Variants in CRAT observed in about 807,000 individuals in gnomAD.
CRAT encodes the protein carnitine O-acetyltransferase.
CRAT carries 66 observed loss-of-function variants against 73.7 expected under a neutral mutation model. That is an observed-to-expected ratio of 0.90 (90% CI 0.73 to 1.10). The LOEUF is 1.10. Ranked by LOEUF, CRAT falls within the 50% of genes least tolerant of loss-of-function variation. The probability of loss-of-function intolerance (pLI) is 0.00; values close to 1 mark genes in which losing one functional copy is unlikely to be tolerated. For synonymous variants in CRAT, 321 were observed against 343.2 expected, an observed-to-expected ratio of 0.94 and a Z score of 0.71; for missense variants, 745 against 846.9, an observed-to-expected ratio of 0.88 and a Z score of 1.49.
chr9:129,096,027 C>T lies in CRAT; in HGVS notation c.1636G>A (p.Ala546Thr), dbSNP rs1408409293. 4 of 1,613,996 alleles carry T rather than the reference C, an allele frequency of 2.5e-6. No individual in the cohort carries two copies. Among genetic ancestry groups the T allele is most frequent in the South Asian group, 1.1e-5 (1 of 91,086 alleles). Residue 546 changes from alanine (A) to threonine (T), a missense_variant, in exon 13 of 14, where the codon GCC becomes ACC. Ala to Thr is a moderately conservative substitution (Grantham distance 58). Transcript: ENST00000318080. ...DIFMDTSYAIAMHFHLSTSQV... is the reference protein window; with the variant it reads ...DIFMDTSYAITMHFHLSTSQV... Reference sequence around the variant, plus strand: ...CTGGTGGAGAGGTGGAAGTGCATGGCGATGGCGTAGGAGGTGTCCATGAAG... The same window carrying T: ...CTGGTGGAGAGGTGGAAGTGCATGGTGATGGCGTAGGAGGTGTCCATGAAG...
rs1010445653 is a variant in CRAT at position 129,107,391 on chromosome 9, T to C, written c.291+423A>G. On this transcript the variant is annotated intron_variant, in intron 2 of 13. Coordinates refer to ENST00000318080, the MANE Select transcript of CRAT (RefSeq NM_000755.5). This position sits in a 1 kb window ranked among gnomAD's most constrained non-coding sequence, Gnocchi z 5.0. ...TGCAAATAGAAAAGCACACCAAACA[T>C]TGGTGTAGACATATTTGCCAAACTG... The C allele has an allele frequency of 2.0e-5, 11 of 558,694 alleles. No homozygotes were observed. Among genetic ancestry groups the C allele is most frequent in the Non-Finnish European group, 2.2e-5 (7 of 314,186 alleles). 34.6% of individuals were successfully genotyped at this position (558,694 alleles called of 1,614,324 possible).
intron 2 of CRAT, among the ~76,000 whole-genome samples, chr9:129,104,573 CG>C (rs1453227031): frequency 6.6e-6 from 1 of 150,944 alleles, no homozygotes; most frequent in Non-Finnish European, 1.5e-5. Context: ...GGAGGAAACC[CG>C]GGGTGTGGGG....
chr9:129,099,688 A>G (rs1847536533), intron 8 of CRAT, among the ~76,000 whole-genome samples, 178 bp downstream of exon 8: 1 of 151,474 alleles, frequency 6.6e-6, no homozygotes, highest in Non-Finnish European at 1.5e-5. Context: ...CTCCCACCTC[A>G]GCCTCCCAAA....
chr9:129,097,482 G>A (rs2131440264), intron 11 of CRAT, among the ~76,000 whole-genome samples, 170 bp from the exon 12 acceptor site: 1 of 152,308 alleles, frequency 6.6e-6, no homozygotes, highest in South Asian at 2.1e-4. Flanking sequence ...GCCGAGGCAG[G>A]TGGATCCCTT....
intron 6 of CRAT, among the ~76,000 whole-genome samples, chr9:129,101,404 T>C (rs1847664024): frequency 6.6e-6 from 1 of 152,212 alleles, no homozygotes; most frequent in South Asian, 2.1e-4. Flanking sequence ...CATGTTCCCA[T>C]GCTCAGAGCG....
intron 8 of CRAT, 80 bp from the exon 9 acceptor site, chr9:129,098,730 G>T (rs1462481805): frequency 6.0e-6 from 9 of 1,508,820 alleles, no homozygotes; most frequent in Non-Finnish European, 7.9e-6. Context: ...TGGGGAGGAT[G>T]GGTACCTGAA....
chr9:129,095,477 C>T lies in CRAT; in HGVS notation c.1801G>A (p.Ala601Thr), dbSNP rs747989201. 39 of 1,613,232 alleles carry T rather than the reference C, an allele frequency of 2.4e-5. No individual in the cohort carries two copies. Among genetic ancestry groups the T allele is most frequent in the Middle Eastern group, 1.6e-4 (1 of 6,080 alleles). ...AYNSCAETNA[A>T]RLAHYLEKAL... Reference sequence around the variant, plus strand: ...TTCTCCAGGTAATGCGCCAGGCGGGCGGCGTTGGTCTCCGCGCAGCTGTTG... The same window carrying T: ...TTCTCCAGGTAATGCGCCAGGCGGGTGGCGTTGGTCTCCGCGCAGCTGTTG... Residue 601 changes from alanine to threonine, a missense_variant, in exon 14 of 14, where the codon GCC becomes ACC. Transcript: ENST00000318080.
rs758129273 is a variant in CRAT, at chr9:129,107,693, CA to C, written c.291+120del. ...ACCCAGCACCCTGCCAAGTGCCAGA[CA>C]CAGAGTATGTGCTCACGAAACTCTG... On this transcript the variant is annotated intron_variant, in intron 2 of 13. Coordinates refer to ENST00000318080, the MANE Select transcript of CRAT (RefSeq NM_000755.5). The surrounding 1 kb of genome is among the most constrained non-coding windows in gnomAD (Gnocchi z 5.0). 7.0e-7 allele frequency: 1 copy of C among 1,429,308 alleles called. No homozygotes were observed. Among genetic ancestry groups the C allele is most frequent in the South Asian group, 1.2e-5 (1 of 83,810 alleles). 88.5% of individuals were successfully genotyped at this position (1,429,308 alleles called of 1,614,324 possible).
At position 129,110,362 on chromosome 9, in the gene CRAT, C is replaced by A; in HGVS notation, c.27+121G>T. On this transcript the variant is annotated intron_variant, in intron 1 of 13. Coordinates refer to ENST00000318080, the MANE Select transcript of CRAT (RefSeq NM_000755.5). The surrounding 1 kb of genome is among the most constrained non-coding windows in gnomAD (Gnocchi z 5.3). Reference sequence around the variant, plus strand: ...AACCTGGGACGCCCGCCTGACCCCACCCCATCAGCTGGAGGCCGGGTCGAA... The same window carrying A: ...AACCTGGGACGCCCGCCTGACCCCAACCCATCAGCTGGAGGCCGGGTCGAA... 1 of 1,058,804 alleles carries A rather than the reference C, an allele frequency of 9.4e-7. No individual in the cohort carries two copies. The highest frequency in any genetic ancestry group is 1.3e-6 in the Non-Finnish European group (1 of 771,616). 65.6% of individuals were successfully genotyped at this position (1,058,804 alleles called of 1,614,324 possible).
At chr9:129,109,084 C>G in intron 1 of CRAT, 1 of 1,280,544 alleles carries the variant, frequency 7.8e-7, no homozygotes, top group East Asian at 5.6e-5. Flanking sequence ...AGTGGGGGGG[C>G]ATTCCAGTAG....
In CRAT at chr9:129,098,244, C is replaced by G; in HGVS notation, c.1328+5G>C. On this transcript the variant is annotated splice_donor_5th_base_variant and intron_variant, in intron 10 of 13. Transcript: ENST00000318080. ...CTCCTCCATGGGTGGGCCACAGAGG[C>G]GCACCTGTAGTAGGCCAGCTGCAAA... The G allele has an allele frequency of 6.2e-7, 1 of 1,613,628 alleles. No individual in the cohort carries two copies.
Position 129,110,396 on chromosome 9 carries a change from G to T in CRAT, c.27+87C>A. The T allele has an allele frequency of 1.5e-6, 2 of 1,357,168 alleles. No individual in the cohort carries two copies. The highest frequency in any genetic ancestry group is 1.9e-6 in the Non-Finnish European group (2 of 1,028,050). The allele number at this position is 1,357,168 out of a possible 1,614,324, so 84.1% of individuals were successfully genotyped here. A position where few individuals can be genotyped will look rare whatever the true frequency, so the allele number is the denominator to read the frequency against. On this transcript the variant is annotated intron_variant, in intron 1 of 13. Coordinates refer to ENST00000318080, the MANE Select transcript of CRAT (RefSeq NM_000755.5). The surrounding 1 kb of genome is among the most constrained non-coding windows in gnomAD (Gnocchi z 5.3). ...CTGGAGGCCGGGTCGAACAGCGGCC[G>T]CAGGACGCGGTCTCCGTTCCCGGAC...
intron 2 of CRAT, among the ~76,000 whole-genome samples, chr9:129,104,794 C>T (rs765160021): frequency 2.4e-4 from 37 of 151,022 alleles, no homozygotes; most frequent in African/African-American, 7.0e-4. Flanking sequence ...TTAGTAGAGA[C>T]GGGGTTTCAC....
intron 1 of CRAT, chr9:129,109,269 G>T (rs938468912): frequency 4.0e-5 from 52 of 1,303,976 alleles, no homozygotes; most frequent in Non-Finnish European, 5.3e-5. Context: ...CACAGCCCTG[G>T]GATCGGTCCT....
chr9:129,104,981 A>T (rs188718170), intron 2 of CRAT, among the ~76,000 whole-genome samples: 1 of 145,628 alleles, frequency 6.9e-6, no homozygotes, highest in East Asian at 2.0e-4. Context: ...GCTCACTGCA[A>T]GCTCCACCTC....
At position 129,097,995 on chromosome 9, in the gene CRAT, T is replaced by C. The variant is rs201680363; in HGVS notation, c.1464+18A>G. ...GGGCTCAGGCCCAGCTCACCCACCC[T>C]CGCCCCAGACCTCTCACCGTGACGC... On this transcript the variant is annotated intron_variant, in intron 11 of 13. Transcript: ENST00000318080. 35 of 1,610,014 alleles carry C rather than the reference T, an allele frequency of 2.2e-5. No individual in the cohort carries two copies. The South Asian group carries it at 3.4e-4, about 16-fold the overall frequency.
chr9:129,108,303 T>C, intron 1 of CRAT: 1 of 1,115,414 alleles, frequency 9.0e-7, no homozygotes, highest in Non-Finnish European at 1.2e-6. Context: ...CCATGGTTCT[T>C]AGCAAGGCTC....
At chr9:129,097,962 G>T in intron 11 of CRAT, 51 bp downstream of exon 11, 1 of 1,597,630 alleles carries the variant, frequency 6.3e-7, no homozygotes, top group Non-Finnish European at 8.5e-7. Context: ...TGAGTGAGCA[G>T]GAGGGAGGGG....
intron 2 of CRAT, among the ~76,000 whole-genome samples, chr9:129,105,050 G>A (rs1464771655): frequency 6.8e-6 from 1 of 146,802 alleles, no homozygotes; most frequent in African/African-American, 2.5e-5. Context: ...ACAGGCGCCC[G>A]CCACTGTGCC....
Sources: gnomAD v4.1 joint callset for allele counts (sites outside exome capture counted in the v4.1 genomes callset) on GRCh38, gnomAD v4.1.1 for gene constraint, Gnocchi (gnomAD v3.1) non-coding constraint, MANE v1.5 for transcripts, NCBI Gene and HGNC (gene_info 2026-07-23, HGNC 2026-07-21) for gene names.